The following RAB2A variants were observed in gnomAD, a reference collection of about 807,000 sequenced individuals.
The protein encoded by RAB2A is RAB2A, member RAS oncogene family, also known as ras-related protein Rab-2A.
Under a neutral mutation model 32.5 loss-of-function variants are expected in RAB2A, and 7 were observed. The ratio of observed to expected loss-of-function variants is 0.22; its 90% CI spans 0.12 to 0.40. RAB2A has a LOEUF of 0.40. RAB2A is among the 10% of genes least tolerant of loss of function. The pLI is 1.00. For missense variants in RAB2A, 108 were observed against 260.7 expected (o/e 0.41, Z 4.03); for synonymous variants, 79 against 85.2 (o/e 0.93, Z 0.40).
intron 6 of RAB2A, among the ~76,000 whole-genome samples, chr8:60,611,588 C>G (rs1479829654): frequency 6.6e-6 from 1 of 152,158 alleles, no homozygotes; most frequent in Non-Finnish European, 1.5e-5. Context: ...TCCTCAGTGC[C>G]TGGTACAAAT....
chr8:60,606,595 A>G (rs1186468918), intron 6 of RAB2A, among the ~76,000 whole-genome samples: 1 of 152,260 alleles, frequency 6.6e-6, no homozygotes, highest in Non-Finnish European at 1.5e-5. Context: ...TAGCGGGAAG[A>G]ATTTCTCAAG....
chr8:60,518,596 CAAAAAAAAA>C lies in RAB2A; in HGVS notation c.46+1362_46+1370del, dbSNP rs59503766. 9.9e-3 allele frequency among the ~76,000 whole-genome samples: 451 copies of C among 45,506 alleles called. 1 individual carries two copies. The highest frequency in any genetic ancestry group is 0.015 in the Non-Finnish European group (308 of 20,800). 29.9% of individuals were successfully genotyped at this position (45,506 alleles called of 152,430 possible). ...ACTTGAGCCCGGAAGGTGGAGTTTG[CAAAAAAAAA>C]AAAAAAAAAAAAAAAAAAGCATATT... On this transcript the variant is annotated intron_variant, in intron 1 of 7. Transcript: ENST00000262646.
At chr8:60,520,817 A>T (rs536315359) in intron 1 of RAB2A, among the ~76,000 whole-genome samples, 1 of 152,070 alleles carries the variant, frequency 6.6e-6, no homozygotes, top group African/African-American at 2.4e-5. Context: ...TTTTACTTAT[A>T]TTATTTATCT....
intron 3 of RAB2A, 89 bp from the exon 4 acceptor site, chr8:60,584,119 C>G: frequency 9.2e-7 from 1 of 1,087,680 alleles, no homozygotes; most frequent in Non-Finnish European, 1.4e-6. Flanking sequence ...CACTCCTTCC[C>G]TACCTGCTCT....
chr8:60,583,585 A>G (rs946165066), intron 3 of RAB2A, among the ~76,000 whole-genome samples: 6 of 152,250 alleles, frequency 3.9e-5, no homozygotes, highest in Non-Finnish European at 8.8e-5. Flanking sequence ...AATTAAATTC[A>G]GAACCATTTT....
In RAB2A at chr8:60,584,191, C is replaced by CT. The variant is rs758221851; in HGVS notation, c.187-9dup. 3.8e-5 allele frequency: 59 copies of CT among 1,564,270 alleles called. No individual in the cohort carries two copies. Among genetic ancestry groups the CT allele is most frequent in the East Asian group, 2.2e-4 (10 of 44,512 alleles). ...ATTGTATTAAAGGAAACTCTCCAAC[C>CT]TTTTTTTTCGTTACAGGCAGGGCAA... On this transcript the variant is annotated splice_polypyrimidine_tract_variant and intron_variant, in intron 3 of 7. Coordinates refer to ENST00000262646, the MANE Select transcript of RAB2A (RefSeq NM_002865.3).
chr8:60,594,356 GA>G (rs1272086075), intron 6 of RAB2A, among the ~76,000 whole-genome samples: 2 of 151,292 alleles, frequency 1.3e-5, no homozygotes, highest in Non-Finnish European at 1.5e-5. Context: ...GTGAAAGACA[GA>G]AAAAAAAATC....
chr8:60,562,751 T>C (rs1808043139), intron 2 of RAB2A, among the ~76,000 whole-genome samples: 1 of 152,306 alleles, frequency 6.6e-6, no homozygotes, highest in South Asian at 2.1e-4. Context: ...TTACATTGTT[T>C]TTACTGAAAA....
At chr8:60,566,994 C>T (rs1015995310) in intron 2 of RAB2A, among the ~76,000 whole-genome samples, 1 of 152,172 alleles carries the variant, frequency 6.6e-6, no homozygotes, top group African/African-American at 2.4e-5. Context: ...TGTGGCCTCA[C>T]ACCATTAATT....
intron 1 of RAB2A, among the ~76,000 whole-genome samples, chr8:60,532,301 G>T (rs1231143212): frequency 6.6e-6 from 1 of 152,180 alleles, no homozygotes; most frequent in African/African-American, 2.4e-5. Context: ...GTGTCAAAGG[G>T]AAAGTAAAAG....
At chr8:60,551,406 A>G (rs902475961) in intron 1 of RAB2A, among the ~76,000 whole-genome samples, 1 of 152,224 alleles carries the variant, frequency 6.6e-6, no homozygotes, top group African/African-American at 2.4e-5. Context: ...GTGTTTTACT[A>G]TTGATGGTAG....
chr8:60,547,001 G>C (rs1807739697), intron 1 of RAB2A, among the ~76,000 whole-genome samples: 1 of 146,992 alleles, frequency 6.8e-6, no homozygotes, highest in South Asian at 2.2e-4. Flanking sequence ...AGATAAACAA[G>C]TGAACAAAGG....
At chr8:60,610,918 C>T (rs574606827) in intron 6 of RAB2A, among the ~76,000 whole-genome samples, 3 of 152,328 alleles carry the variant, frequency 2.0e-5, no homozygotes, top group Non-Finnish European at 4.4e-5. Flanking sequence ...TAGAATTCCA[C>T]GTGTCTAAAA....
chr8:60,570,469 A>G (rs1808181364), intron 2 of RAB2A, among the ~76,000 whole-genome samples: 1 of 151,968 alleles, frequency 6.6e-6, no homozygotes, highest in African/African-American at 2.4e-5. Context: ...TCCCTCAACT[A>G]ATTTCATTTT....
chr8:60,523,645 C>T (rs1339274587), intron 1 of RAB2A, among the ~76,000 whole-genome samples: 1 of 149,820 alleles, frequency 6.7e-6, no homozygotes, highest in East Asian at 1.9e-4. Context: ...TGAAACATAT[C>T]TTTTAACATC....
chr8:60,615,123 T>TG (rs1422609970), intron 6 of RAB2A, among the ~76,000 whole-genome samples: 1 of 152,194 alleles, frequency 6.6e-6, no homozygotes, highest in East Asian at 1.9e-4. Flanking sequence ...GCTTGTCCCT[T>TG]AATGAAGTCT....
At chr8:60,547,163 T>G (rs529946288) in intron 1 of RAB2A, among the ~76,000 whole-genome samples, 13 of 151,936 alleles carry the variant, frequency 8.6e-5, no homozygotes. Context: ...CCTTAATCCA[T>G]TCAACCCTGA....
chr8:60,531,276 C>A (rs954074157), intron 1 of RAB2A, among the ~76,000 whole-genome samples: 1 of 152,186 alleles, frequency 6.6e-6, no homozygotes, highest in African/African-American at 2.4e-5. Flanking sequence ...AGCTTAGACA[C>A]CACTCTTGAA....
chr8:60,601,355 T>A (rs73261269), intron 6 of RAB2A, among the ~76,000 whole-genome samples: 12,418 of 152,148 alleles, frequency 0.082, 1,550 homozygotes, highest in African/African-American at 0.27. Context: ...TCTTTTTTTT[T>A]TTGAGATGGA....
Sources: gnomAD v4.1 joint callset for allele counts (sites outside exome capture counted in the v4.1 genomes callset) on GRCh38, gnomAD v4.1.1 for gene constraint, MANE v1.5 for transcripts, NCBI Gene and HGNC (gene_info 2026-07-23, HGNC 2026-07-21) for gene names.